Variants in TELO2 observed in about 807,000 individuals in gnomAD.
TELO2 encodes the protein telomere length regulation protein TEL2 homolog.
In TELO2, 71 loss-of-function variants were observed where a neutral mutation model predicts 91.0. The ratio of observed to expected loss-of-function variants is 0.78; its 90% CI spans 0.64 to 0.95. TELO2 has a LOEUF of 0.95. Ranked by LOEUF, TELO2 falls within the 40% of genes least tolerant of loss-of-function variation. TELO2 has a pLI of 0.00. For missense variants in TELO2, 1,183 were observed against 1,141.3 expected (o/e 1.04, Z -0.53); for synonymous variants, 584 against 518.9 (o/e 1.13, Z -1.71).
intron 3 of TELO2, among the ~76,000 whole-genome samples, chr16:1,496,218 C>T (rs2039487857): frequency 6.6e-6 from 1 of 152,216 alleles, no homozygotes; most frequent in Non-Finnish European, 1.5e-5. Flanking sequence ...CACATGCTGC[C>T]CCGACCTCGT....
In TELO2 at chr16:1,506,980, G is replaced by A. The variant is rs769506696; in HGVS notation, c.2155G>A (p.Glu719Lys). The A allele has an allele frequency of 2.5e-6, 4 of 1,611,940 alleles. No homozygotes were observed. Among genetic ancestry groups the A allele is most frequent in the South Asian group, 1.1e-5 (1 of 90,654 alleles). Reference protein sequence around the residue: ...RPLVTFDLLGEDQLVLGRLAH... With the variant: ...RPLVTFDLLGKDQLVLGRLAH... Reference sequence around the variant, plus strand: ...TCTGGTGACCTTCGACCTCTTGGGAGAAGACCAGCTGGTTCTCGGAAGGCT... The same window carrying A: ...TCTGGTGACCTTCGACCTCTTGGGAAAAGACCAGCTGGTTCTCGGAAGGCT... Residue 719 changes from glutamate to lysine, a missense_variant, in exon 18 of 21, where the codon GAA becomes AAA. Coordinates refer to ENST00000262319, the MANE Select transcript of TELO2 (RefSeq NM_016111.4).
At chr16:1,508,253 C>T (rs1008205040) in intron 20 of TELO2, among the ~76,000 whole-genome samples, 4 of 152,210 alleles carry the variant, frequency 2.6e-5, no homozygotes, top group African/African-American at 9.6e-5. Flanking sequence ...CCGCCTCAGC[C>T]TCCTGAGTAG....
intron 6 of TELO2, 73 bp downstream of exon 6, chr16:1,499,406 G>A (rs997427258): frequency 5.2e-6 from 8 of 1,537,198 alleles, no homozygotes; most frequent in African/African-American, 1.4e-5. Flanking sequence ...ACATGGGGTC[G>A]GAGCGGTGTC....
intron 5 of TELO2, among the ~76,000 whole-genome samples, chr16:1,498,164 G>A (rs1262443532): frequency 6.6e-6 from 1 of 151,826 alleles, no homozygotes; most frequent in Non-Finnish European, 1.5e-5. Context: ...ACAGGCGCCC[G>A]CCACCACACC....
intron 3 of TELO2, 49 bp downstream of exon 3, chr16:1,495,672 C>A: frequency 6.5e-7 from 1 of 1,533,816 alleles, no homozygotes; most frequent in Non-Finnish European, 8.8e-7. Context: ...TTCTTGGGTC[C>A]TCGTCCCCTG....
intron 3 of TELO2, among the ~76,000 whole-genome samples, chr16:1,496,611 C>T (rs2235626): frequency 0.048 from 7,316 of 152,280 alleles, 440 homozygotes; most frequent in East Asian, 0.19. Context: ...CGGCCCCTCC[C>T]GGTTCCCCAC....
chr16:1,496,964 C>G, intron 3 of TELO2, 72 bp from the exon 4 acceptor site: 3 of 1,489,726 alleles, frequency 2.0e-6, no homozygotes, highest in Non-Finnish European at 1.8e-6. Flanking sequence ...CCGAGAGCAG[C>G]TCTCCCCACA....
At chr16:1,496,925 A>C in intron 3 of TELO2, 111 bp from the exon 4 acceptor site, 1 of 1,053,096 alleles carries the variant, frequency 9.5e-7, no homozygotes, top group South Asian at 1.5e-5. Flanking sequence ...GTTTTGAGTG[A>C]GTTTTGCTGT....
At position 1,505,598 on chromosome 16, in the gene TELO2, C is replaced by T; in HGVS notation, c.2031C>T (p.Ser677=). The change falls in exon 16 of 21, where the codon TCC becomes TCT. Residue 677 remains serine (S), a synonymous_variant. Coordinates refer to ENST00000262319, the MANE Select transcript of TELO2 (RefSeq NM_016111.4). The surrounding 1 kb of genome is among the most constrained non-coding windows in gnomAD (Gnocchi z 4.3). ...TCAGAAGCAAGACCCAGCGGCTCTC[C>T]AAGGTTAGTGGCGCCTGGTCAGCTC... ...ERIRSKTQRL[S]KGGPRQGPAG... 1 of 1,564,716 alleles carries T rather than the reference C, an allele frequency of 6.4e-7. No individual in the cohort carries two copies. Among genetic ancestry groups the T allele is most frequent in the Non-Finnish European group, 8.7e-7 (1 of 1,148,910 alleles).
chr16:1,493,377 C>G lies in TELO2; in HGVS notation c.-265C>G, dbSNP rs2039370818. ...GCGCAGGCGCAGATGCGCCCTCCCG[C>G]CTGGCGTCCTCCGCAGATTCGCGCT... On this transcript the variant is annotated 5_prime_UTR_variant, in exon 1 of 21. Transcript: ENST00000262319. This position sits in a 1 kb window ranked among gnomAD's most constrained non-coding sequence, Gnocchi z 4.3. 2 of 152,228 alleles carry G rather than the reference C, an allele frequency of 1.3e-5. No homozygotes were observed. The highest frequency in any genetic ancestry group is 2.4e-5 in the African/African-American group (1 of 41,456). 9.4% of individuals were successfully genotyped at this position (152,228 alleles called of 1,614,324 possible).
At chr16:1,501,383 C>A in intron 9 of TELO2, 37 bp from the exon 10 acceptor site, 1 of 1,600,112 alleles carries the variant, frequency 6.2e-7, no homozygotes, top group Non-Finnish European at 8.5e-7. Context: ...GGCGCTGCAG[C>A]CTGGCGGATG....
chr16:1,505,118 G>C lies in TELO2; in HGVS notation c.1843-292G>C, dbSNP rs181478921. 2.6e-6 allele frequency: 1 copy of C among 382,500 alleles called. No homozygotes were observed. The highest frequency in any genetic ancestry group is 4.0e-5 in the Admixed American group (1 of 25,184). 23.7% of individuals were successfully genotyped at this position (382,500 alleles called of 1,614,324 possible). On this transcript the variant is annotated intron_variant, in intron 15 of 20. Coordinates refer to ENST00000262319, the MANE Select transcript of TELO2 (RefSeq NM_016111.4). This position sits in a 1 kb window ranked among gnomAD's most constrained non-coding sequence, Gnocchi z 4.3. ...TGTGAGGCCGACTTCCTGGGATAAG[G>C]GCATGTGGCTCTGGCGTGGCGGGAC...
At chr16:1,503,144 C>T (rs1025263803) in intron 15 of TELO2, 142 bp downstream of exon 15, 25 of 872,718 alleles carry the variant, frequency 2.9e-5, no homozygotes, top group Non-Finnish European at 4.2e-5. Flanking sequence ...TGTGACCCGG[C>T]AGGACTCAGC....
At chr16:1,496,683 C>T (rs1291330713) in intron 3 of TELO2, among the ~76,000 whole-genome samples, 2 of 152,214 alleles carry the variant, frequency 1.3e-5, no homozygotes, top group African/African-American at 4.8e-5. Context: ...TCCAGGGTCT[C>T]ATGCCCGGCT....
Position 1,495,491 on chromosome 16 carries a change from G to T in TELO2, c.481G>T (p.Val161Leu), listed in dbSNP as rs1484245449. Residue 161 changes from valine to leucine, a missense_variant, in exon 3 of 21, where the codon GTG becomes TTG. By Grantham distance (32) the Val-to-Leu change is conservative. Transcript: ENST00000262319. ...LLRETLLGKV[V>L]ALPDHLGNRL... ...CCGGGAGACGCTGCTGGGCAAGGTG[G>T]TGGCCCTGCCCGATCACCTGGGCAA... The T allele has an allele frequency of 6.2e-7, 1 of 1,610,998 alleles. No homozygotes were observed. The highest frequency in any genetic ancestry group is 2.2e-5 in the East Asian group (1 of 44,874).
chr16:1,507,702 G>T lies in TELO2; in HGVS notation c.2393G>T (p.Arg798Leu). Residue 798 changes from arginine to leucine, a missense_variant, in exon 20 of 21, where the codon CGG (arginine) becomes CTG (leucine). Coordinates refer to ENST00000262319, the MANE Select transcript of TELO2 (RefSeq NM_016111.4). ...EDLMDELLEA[R>L]SWLADVAEKD... ...CTGATGGACGAGCTGCTGGAAGCCC[G>T]GTCCTGGCTGGCGGGTGAGTGTCGG... 1 of 1,603,596 alleles carries T rather than the reference G, an allele frequency of 6.2e-7. No individual in the cohort carries two copies.
chr16:1,494,247 T>C lies in TELO2; in HGVS notation c.-35T>C. 6.3e-7 allele frequency: 1 copy of C among 1,582,996 alleles called. No homozygotes were observed. The highest frequency in any genetic ancestry group is 8.6e-7 in the Non-Finnish European group (1 of 1,157,810). On this transcript the variant is annotated splice_region_variant and 5_prime_UTR_variant, in exon 2 of 21. Coordinates refer to ENST00000262319, the MANE Select transcript of TELO2 (RefSeq NM_016111.4). The surrounding 1 kb of genome is among the most constrained non-coding windows in gnomAD (Gnocchi z 5.6). Reference sequence around the variant, plus strand: ...CTGAGCCCTGTGTCCATGTCACAGGTCGTCTTCCCGTGACGCCCAGATCTG... The same window carrying C: ...CTGAGCCCTGTGTCCATGTCACAGGCCGTCTTCCCGTGACGCCCAGATCTG...
chr16:1,498,259 C>T (rs2039561983), intron 5 of TELO2, among the ~76,000 whole-genome samples: 1 of 152,216 alleles, frequency 6.6e-6, no homozygotes, highest in Admixed American at 6.5e-5. Flanking sequence ...AAGCAATCCA[C>T]CCACCTCGGC....
rs375174089 is a variant in TELO2 at position 1,501,391 on chromosome 16, A to T, written c.1282-29A>T. 8.7e-6 allele frequency: 14 copies of T among 1,606,244 alleles called. No homozygotes were observed. In the African/African-American group the frequency reaches 1.7e-4, roughly 20 times the overall value. On this transcript the variant is annotated intron_variant, in intron 9 of 20. Coordinates refer to ENST00000262319, the MANE Select transcript of TELO2 (RefSeq NM_016111.4). ...GGGGAGGGGCGCTGCAGCCTGGCGG[A>T]TGCCGCTGAGCCTGCTCCCCTGCTG... is the stretch of plus-strand genomic sequence containing the variant.
Sources: allele counts gnomAD v4.1 joint callset (sites outside exome capture counted in the v4.1 genomes callset), GRCh38; gene constraint gnomAD v4.1.1; non-coding constraint Gnocchi (gnomAD v3.1); transcripts MANE v1.5; gene names NCBI Gene and HGNC (gene_info 2026-07-23, HGNC 2026-07-21).